CNOT1: variants seen among roughly 807,000 people sequenced by gnomAD.
CNOT1 encodes CCR4-NOT transcription complex subunit 1, also known as CCR4-associated factor 1.
Under a neutral mutation model 273.8 loss-of-function variants are expected in CNOT1, and 15 were observed. The ratio of observed to expected loss-of-function variants is 0.05; its 90% CI spans 0.04 to 0.08. The LOEUF is 0.08. Among genes scored for constraint, CNOT1 ranks in the 10% least tolerant of loss-of-function variants. The pLI, the probability that CNOT1 is intolerant of heterozygous loss-of-function variation, is 1.00. For synonymous variants in CNOT1, 1,022 were observed against 1,005.5 expected (o/e 1.02, Z -0.31); for missense variants, 1,644 against 2,912.2 (o/e 0.56, Z 10.02).
chr16:58,526,998 A>G (rs1467679231), intron 44 of CNOT1, among the ~76,000 whole-genome samples: 1 of 151,946 alleles, frequency 6.6e-6, no homozygotes, highest in Non-Finnish European at 1.5e-5. Flanking sequence ...ACCTGTGAAT[A>G]GTCACTGCCC....
At chr16:58,589,918 A>G (rs1018337850) in intron 2 of CNOT1, among the ~76,000 whole-genome samples, 1 of 152,204 alleles carries the variant, frequency 6.6e-6, no homozygotes, top group African/African-American at 2.4e-5. Flanking sequence ...CTCTAAAGTC[A>G]CCTTATCAGT....
Position 58,556,937 on chromosome 16 carries a change from G to A in CNOT1, c.2389C>T (p.Pro797Ser). The A allele has an allele frequency of 6.2e-7, 1 of 1,614,086 alleles. No individual in the cohort carries two copies. The highest frequency in any genetic ancestry group is 1.1e-5 in the South Asian group (1 of 91,082). ...TGIGTGALGL[P>S]AVNNDPFVQR... ...ACAAAAGGGTCGTTATTCACTGCAGGGAGTCCAAGAGCACCAGTTCCTATA... is the reference window on the plus strand; with the variant it reads ...ACAAAAGGGTCGTTATTCACTGCAGAGAGTCCAAGAGCACCAGTTCCTATA... Residue 797 changes from proline (P) to serine (S), a missense_variant, in exon 19 of 49, where the codon CCT becomes TCT. Pro to Ser is a moderately conservative substitution (Grantham distance 74, BLOSUM62 -1). Coordinates refer to ENST00000317147, the MANE Select transcript of CNOT1 (RefSeq NM_016284.5).
intron 33 of CNOT1, 41 bp from the exon 34 acceptor site, chr16:58,541,661 A>C (rs1192552018): frequency 3.7e-6 from 6 of 1,600,958 alleles, no homozygotes; most frequent in Non-Finnish European, 5.1e-6. Flanking sequence ...TTCACTCAAT[A>C]ATCAAAATAA....
chr16:58,546,466 G>A lies in CNOT1; in HGVS notation c.3861C>T (p.Cys1287=), dbSNP rs2040258931. The change falls in exon 29 of 49, where the codon TGC becomes TGT. Residue 1287 remains cysteine (C), a synonymous_variant. Transcript: ENST00000317147. ...CATTGATGTCTAATGCAAGGTTCTT[G>A]CAGAGAACCTCGATTTCAAACTTCA... is the stretch of plus-strand genomic sequence containing the variant. ...LNLKFEIEVL[C]KNLALDINEL... The A allele has an allele frequency of 1.9e-6, 3 of 1,613,628 alleles. No homozygotes were observed. The highest frequency in any genetic ancestry group is 2.5e-6 in the Non-Finnish European group (3 of 1,179,914).
At chr16:58,594,064 G>T (rs748647042) in intron 2 of CNOT1, among the ~76,000 whole-genome samples, 35 of 152,088 alleles carry the variant, frequency 2.3e-4, no homozygotes, top group Non-Finnish European at 4.1e-4. Context: ...GACCAATATG[G>T]AGAAACCCCG....
intron 2 of CNOT1, among the ~76,000 whole-genome samples, chr16:58,595,640 TA>T (rs984740760): frequency 7.2e-5 from 11 of 152,050 alleles, no homozygotes; most frequent in African/African-American, 2.2e-4. Flanking sequence ...GTTTGCTTAA[TA>T]AAAATAACCT....
chr16:58,520,444 T>C lies in CNOT1; in HGVS notation c.*514A>G, dbSNP rs982191261. ...AGCCCTTCCCATGTTCCTGGACATA[T>C]CCAATTCTAGCACATCCACATTTTT... On this transcript the variant is annotated 3_prime_UTR_variant, in exon 49 of 49. Coordinates refer to ENST00000317147, the MANE Select transcript of CNOT1 (RefSeq NM_016284.5). 8 of 160,034 alleles carry C rather than the reference T, an allele frequency of 5.0e-5. No individual in the cohort carries two copies. The East Asian group carries it at 1.4e-3, about 29-fold the overall frequency. 9.9% of individuals were successfully genotyped at this position (160,034 alleles called of 1,614,324 possible).
At chr16:58,557,078 A>G (rs1597453365) in intron 18 of CNOT1, 85 bp from the exon 19 acceptor site, 1 of 1,476,734 alleles carries the variant, frequency 6.8e-7, no homozygotes, top group South Asian at 1.4e-5. Flanking sequence ...AATAAGACAG[A>G]CTTTTAAAAT....
chr16:58,520,856 G>A lies in CNOT1; in HGVS notation c.*102C>T. The A allele has an allele frequency of 2.5e-6, 3 of 1,222,896 alleles. No individual in the cohort carries two copies. The South Asian group carries it at 3.8e-5, about 15-fold the overall frequency. The allele number at this position is 1,222,896 out of a possible 1,614,324, so 75.8% of individuals were successfully genotyped here. A position where few individuals can be genotyped will look rare whatever the true frequency, so the allele number is the denominator to read the frequency against. On this transcript the variant is annotated 3_prime_UTR_variant, in exon 49 of 49. Coordinates refer to ENST00000317147, the MANE Select transcript of CNOT1 (RefSeq NM_016284.5). ...GGGGCAGATACCCACAAACCAAAGG[G>A]CTGGGAAAGTCAGGAAGAGCTGAAA...
At chr16:58,552,309 C>T (rs1358935827) in intron 22 of CNOT1, among the ~76,000 whole-genome samples, 2 of 151,826 alleles carry the variant, frequency 1.3e-5, no homozygotes, top group Non-Finnish European at 2.9e-5. Context: ...GCTATTTCAA[C>T]AGTCCTTACC....
intron 1 of CNOT1, among the ~76,000 whole-genome samples, chr16:58,610,537 CT>C (rs1209837888): frequency 6.6e-6 from 1 of 152,064 alleles, no homozygotes; most frequent in Non-Finnish European, 1.5e-5. Flanking sequence ...AATTCCGTCT[CT>C]ACTAAAAATA....
chr16:58,591,731 G>A (rs2042061953), intron 2 of CNOT1, among the ~76,000 whole-genome samples: 1 of 151,436 alleles, frequency 6.6e-6, no homozygotes, highest in South Asian at 2.1e-4. Flanking sequence ...TCCAGCCTGG[G>A]CGACAAGAGC....
chr16:58,585,919 C>T (rs1359479150), intron 7 of CNOT1, among the ~76,000 whole-genome samples: 1 of 152,002 alleles, frequency 6.6e-6, no homozygotes, highest in Admixed American at 6.6e-5. Flanking sequence ...TAAAATTAAA[C>T]TCTATAAACA....
chr16:58,612,360 T>C (rs1264876422), intron 1 of CNOT1, among the ~76,000 whole-genome samples: 1 of 147,142 alleles, frequency 6.8e-6, no homozygotes, highest in Non-Finnish European at 1.6e-5. Context: ...CCTTGAAAAT[T>C]ATTTATTTCC....
chr16:58,591,671 T>C (rs568944343), intron 2 of CNOT1, among the ~76,000 whole-genome samples: 4 of 152,004 alleles, frequency 2.6e-5, no homozygotes, highest in African/African-American at 9.7e-5. Flanking sequence ...GGAGAATCGC[T>C]TGAACCCAGG....
chr16:58,546,418 T>C lies in CNOT1; in HGVS notation c.3909A>G (p.Leu1303=). 1.2e-6 allele frequency: 2 copies of C among 1,614,018 alleles called. No individual in the cohort carries two copies. The highest frequency in any genetic ancestry group is 1.7e-6 in the Non-Finnish European group (2 of 1,179,942). The change falls in exon 29 of 49, where the codon CTA becomes CTG. Residue 1303 remains leucine (L), a synonymous_variant. Transcript: ENST00000317147. ...DINELKPGNL[L]KDKDRLKNLD... ...AATTCTTCAGGCGATCTTTATCCTTTAGGAGGTTTCCAGGTTTTAGCTCAT... is the reference window on the plus strand; with the variant it reads ...AATTCTTCAGGCGATCTTTATCCTTCAGGAGGTTTCCAGGTTTTAGCTCAT...
intron 16 of CNOT1, among the ~76,000 whole-genome samples, chr16:58,566,469 G>A (rs748974820): frequency 6.6e-5 from 10 of 152,156 alleles, no homozygotes; most frequent in Non-Finnish European, 1.2e-4. Context: ...AACATTTTGC[G>A]CAATTTTAAC....
chr16:58,587,201 C>T lies in CNOT1; in HGVS notation c.433G>A (p.Ala145Thr). ...NSSSSDLRGF[A>T]AQFIKQKLPD... ...GATATTTTTGGAAAAAGTAACTCAC[C>T]GAAACCTCTAAGATCTGAGCTGGAA... Residue 145 changes from alanine to threonine, a missense_variant and splice_region_variant, in exon 6 of 49, where the codon GCT becomes ACT. By Grantham distance (58) the Ala-to-Thr change is moderately conservative. This residue lies in a region of CNOT1 where 706 missense variants were observed against 1,021.2 expected (regional missense o/e 0.69). Coordinates refer to ENST00000317147, the MANE Select transcript of CNOT1 (RefSeq NM_016284.5). 1.2e-6 allele frequency: 2 copies of T among 1,611,582 alleles called. No homozygotes were observed. The highest frequency in any genetic ancestry group is 1.7e-6 in the Non-Finnish European group (2 of 1,179,372).
In CNOT1 at chr16:58,595,111, C is replaced by CA. The variant is rs1183525721; in HGVS notation, c.102+4124dup. Among the ~76,000 whole-genome samples, 240 of 112,578 alleles carry CA rather than the reference C, an allele frequency of 2.1e-3. 1 individual carries two copies. Among genetic ancestry groups the CA allele is most frequent in the Middle Eastern group, 5.1e-3 (1 of 196 alleles). 73.9% of individuals were successfully genotyped at this position (112,578 alleles called of 152,430 possible). On this transcript the variant is annotated intron_variant, in intron 2 of 48. Transcript: ENST00000317147. Reference sequence around the variant, plus strand: ...CCTGGGTGACAGAGTGAGACTCCGTCAAAAAAAAAAACAAAAAAGGTGAAT... The same window carrying CA: ...CCTGGGTGACAGAGTGAGACTCCGTCAAAAAAAAAAAACAAAAAAGGTGAAT...
Sources: gnomAD v4.1 joint callset for allele counts (sites outside exome capture counted in the v4.1 genomes callset) on GRCh38, gnomAD v4.1.1 for gene constraint, gnomAD v4.1.1 regional missense constraint, MANE v1.5 for transcripts, NCBI Gene and HGNC (gene_info 2026-07-23, HGNC 2026-07-21) for gene names.